RASGRF2: variants seen among roughly 807,000 people sequenced by gnomAD.
RASGRF2 encodes the protein ras-specific guanine nucleotide-releasing factor 2.
RASGRF2 carries 76 observed loss-of-function variants against 151.0 expected under a neutral mutation model. That is an observed-to-expected ratio of 0.50 (90% CI 0.42 to 0.61). The LOEUF is 0.61. Among genes scored for constraint, RASGRF2 ranks in the 20% least tolerant of loss-of-function variants. The pLI, the probability that RASGRF2 is intolerant of heterozygous loss-of-function variation, is 0.00. For synonymous variants in RASGRF2, 504 were observed against 566.5 expected, an observed-to-expected ratio of 0.89 and a Z score of 1.57; for missense variants, 1,148 against 1,564.6, an observed-to-expected ratio of 0.73 and a Z score of 4.49.
intron 19 of RASGRF2, among the ~76,000 whole-genome samples, chr5:81,203,325 G>T (rs985313527): frequency 6.6e-6 from 1 of 152,166 alleles, no homozygotes; most frequent in Non-Finnish European, 1.5e-5. Flanking sequence ...AAACTGTCAG[G>T]ATCAACCAGT....
At chr5:81,090,169 C>T (rs1205947949) in intron 9 of RASGRF2, among the ~76,000 whole-genome samples, 2 of 152,218 alleles carry the variant, frequency 1.3e-5, no homozygotes, top group Non-Finnish European at 2.9e-5. Context: ...AACTTTGGGT[C>T]TAGAGACAGT....
intron 17 of RASGRF2, among the ~76,000 whole-genome samples, chr5:81,150,023 TTAAGGAGGGAAA>T (rs1754098594): frequency 6.6e-6 from 1 of 152,082 alleles, no homozygotes; most frequent in South Asian, 2.1e-4. Context: ...TCTTATTACT[TTAAGGAGGGAAA>T]TAAGGGGCTG....
chr5:80,966,743 G>A (rs549786981), intron 1 of RASGRF2, among the ~76,000 whole-genome samples: 1 of 152,240 alleles, frequency 6.6e-6, no homozygotes, highest in East Asian at 1.9e-4. Context: ...TGGACTCACA[G>A]TTTTATTTTT....
chr5:81,092,713 AACAG>A lies in RASGRF2; in HGVS notation c.1391-85_1391-82del, dbSNP rs1238447949. On this transcript the variant is annotated intron_variant, in intron 9 of 26. Transcript: ENST00000265080. ...TAAATCAATCCCTGGTATTTTGGGA[AACAG>A]ACCTTAGTGTTTATTGCCGTGGACA... 6 of 1,268,488 alleles carry A rather than the reference AACAG, an allele frequency of 4.7e-6. No homozygotes were observed. In the African/African-American group the frequency reaches 7.5e-5, roughly 16 times the overall value. 78.6% of individuals were successfully genotyped at this position (1,268,488 alleles called of 1,614,324 possible).
At chr5:81,213,369 TC>T (rs1755666312) in intron 23 of RASGRF2, among the ~76,000 whole-genome samples, 1 of 152,058 alleles carries the variant, frequency 6.6e-6, no homozygotes. Flanking sequence ...TCAAAGGGCC[TC>T]AGGGGAAGTT....
At chr5:81,102,784 G>A (rs1444637932) in intron 12 of RASGRF2, among the ~76,000 whole-genome samples, 1 of 151,440 alleles carries the variant, frequency 6.6e-6, no homozygotes, top group Non-Finnish European at 1.5e-5. Flanking sequence ...CTGAGAAATT[G>A]TTATAAAAAT....
At chr5:81,020,542 A>G (rs1749790305) in intron 1 of RASGRF2, among the ~76,000 whole-genome samples, 1 of 152,156 alleles carries the variant, frequency 6.6e-6, no homozygotes, top group Non-Finnish European at 1.5e-5. Flanking sequence ...GCAAAGTGCT[A>G]GGATTGAGGG....
At chr5:81,189,543 G>A (rs1038445212) in intron 18 of RASGRF2, among the ~76,000 whole-genome samples, 1 of 150,916 alleles carries the variant, frequency 6.6e-6, no homozygotes, top group African/African-American at 2.4e-5. Flanking sequence ...CAGGCTGGGG[G>A]GCAGTGGTGC....
chr5:81,113,525 C>T lies in RASGRF2; in HGVS notation c.2088-13C>T, dbSNP rs1450423132. On this transcript the variant is annotated splice_polypyrimidine_tract_variant and intron_variant, in intron 14 of 26. Coordinates refer to ENST00000265080, the MANE Select transcript of RASGRF2 (RefSeq NM_006909.3). ...GGCTACAATCTCTTAGCCACTTTTG[C>T]TCTCATTTTTAGGTCATTGGAATTG... 1.4e-5 allele frequency: 22 copies of T among 1,594,532 alleles called. No individual in the cohort carries two copies. Among genetic ancestry groups the T allele is most frequent in the Non-Finnish European group, 1.9e-5 (22 of 1,164,432 alleles).
intron 1 of RASGRF2, among the ~76,000 whole-genome samples, chr5:81,024,628 A>G (rs1749952155): frequency 6.6e-6 from 1 of 152,178 alleles, no homozygotes; most frequent in Non-Finnish European, 1.5e-5. Flanking sequence ...GTCATACGGA[A>G]TAAGCAGGAC....
intron 12 of RASGRF2, among the ~76,000 whole-genome samples, chr5:81,099,479 G>T (rs2112515103): frequency 6.6e-6 from 1 of 152,268 alleles, no homozygotes; most frequent in African/African-American, 2.4e-5. Flanking sequence ...AAAGTCCCTT[G>T]TTGGTGTATA....
intron 12 of RASGRF2, chr5:81,095,976 C>T (rs1752536386): frequency 6.6e-6 from 1 of 152,026 alleles, no homozygotes; most frequent in South Asian, 2.1e-4. Flanking sequence ...GAAATTAGTC[C>T]CATTTCACAG....
At chr5:80,976,826 G>A (rs1198501995) in intron 1 of RASGRF2, among the ~76,000 whole-genome samples, 1 of 152,186 alleles carries the variant, frequency 6.6e-6, no homozygotes, top group East Asian at 1.9e-4. Context: ...TCTGTGCCTT[G>A]ATTTATGCTA....
chr5:81,091,658 A>G (rs533299044), intron 9 of RASGRF2, among the ~76,000 whole-genome samples: 1 of 152,316 alleles, frequency 6.6e-6, no homozygotes, highest in Non-Finnish European at 1.5e-5. Context: ...ACTCACAATC[A>G]TAGTTTTACC....
In RASGRF2 at chr5:80,971,849, G is replaced by T. The variant is rs191234577; in HGVS notation, c.288+10823G>T. On this transcript the variant is annotated intron_variant, in intron 1 of 26. Transcript: ENST00000265080. ...GCCTCCCAAAGTGCTGGGATTACAG[G>T]CATGAGCCACCGCACTCCACCCCAG... Among the ~76,000 whole-genome samples, 282 of 151,980 alleles carry T rather than the reference G, an allele frequency of 1.9e-3. 1 individual carries two copies. Among genetic ancestry groups the T allele is most frequent in the African/African-American group, 6.6e-3 (273 of 41,496 alleles).
At chr5:81,110,013 C>T (rs1752952760) in intron 13 of RASGRF2, among the ~76,000 whole-genome samples, 1 of 152,192 alleles carries the variant, frequency 6.6e-6, no homozygotes. Context: ...TGATTATCCT[C>T]AATCAGAGGA....
intron 1 of RASGRF2, among the ~76,000 whole-genome samples, chr5:81,003,957 A>G (rs772138141): frequency 1.8e-4 from 28 of 152,188 alleles, no homozygotes; most frequent in Non-Finnish European, 3.4e-4. Flanking sequence ...GGAGACTTTA[A>G]CTAGAGAGGG....
intron 17 of RASGRF2, among the ~76,000 whole-genome samples, chr5:81,155,126 C>T (rs1242495470): frequency 6.6e-6 from 1 of 151,848 alleles, no homozygotes; most frequent in Non-Finnish European, 1.5e-5. Flanking sequence ...AATGAAAGCA[C>T]AATATACCAA....
chr5:81,035,261 A>G (rs1035468400), intron 1 of RASGRF2, among the ~76,000 whole-genome samples: 1 of 152,176 alleles, frequency 6.6e-6, no homozygotes, highest in Non-Finnish European at 1.5e-5. Context: ...GCACATATAT[A>G]CCATGGAATA....
Sources: gnomAD v4.1 joint callset for allele counts (sites outside exome capture counted in the v4.1 genomes callset) on GRCh38, gnomAD v4.1.1 for gene constraint, MANE v1.5 for transcripts, NCBI Gene and HGNC (gene_info 2026-07-23, HGNC 2026-07-21) for gene names.